Variants in REPS2 observed in about 807,000 individuals in gnomAD.
The protein encoded by REPS2 is RALBP1 associated Eps domain containing 2, also known as ralBP1-associated Eps domain-containing protein 2.
A neutral mutation model predicts 53.6 loss-of-function variants in REPS2; 23 were observed. That is an observed-to-expected ratio of 0.43 (90% confidence interval 0.31 to 0.61). REPS2 has a LOEUF of 0.61. Ranked by LOEUF, REPS2 falls within the 20% of genes least tolerant of loss-of-function variation. The pLI is 0.11. For missense variants in REPS2, 446 were observed against 534.9 expected (o/e 0.83, Z 1.64); for synonymous variants, 238 against 218.6 (o/e 1.09, Z -0.78).
intron 9 of REPS2, among the ~76,000 whole-genome samples, 165 bp from the exon 10 acceptor site, chrX:17,068,237 C>T (rs1435676900): frequency 9.0e-6 from 1 of 110,587 alleles, no homozygotes; most frequent in Non-Finnish European, 1.9e-5. Context: ...TGGTGTGAAC[C>T]CGGGAGGTGG....
At chrX:17,011,849 C>T (rs976434187) in intron 2 of REPS2, among the ~76,000 whole-genome samples, 6 of 109,154 alleles carry the variant, frequency 5.5e-5, no homozygotes, top group African/African-American at 1.3e-4. Context: ...GTAATCCCTG[C>T]TACTCAGGAG....
intron 4 of REPS2, among the ~76,000 whole-genome samples, chrX:17,028,735 T>C (rs1001444167): frequency 9.8e-5 from 11 of 112,392 alleles, no homozygotes; most frequent in Non-Finnish European, 1.9e-4. Flanking sequence ...GCTACAGAAA[T>C]AAAACATTTT....
At chrX:17,184,756 G>A in the REPS2 span, among the ~76,000 whole-genome samples, 1 of 112,005 alleles carries the variant, frequency 8.9e-6, no homozygotes, top group Non-Finnish European at 1.9e-5. Context: ...TTGTGGTTTT[G>A]ATTTGCATTT....
intron 13 of REPS2, among the ~76,000 whole-genome samples, chrX:17,085,973 A>G (rs1440317695): frequency 7.1e-5 from 8 of 111,911 alleles, no homozygotes; most frequent in African/African-American, 3.2e-5. Flanking sequence ...TTGTCTTTTT[A>G]TACTAGTTTG....
intron 2 of REPS2, among the ~76,000 whole-genome samples, chrX:17,019,443 CTTCT>C (rs1444427517): frequency 2.7e-5 from 3 of 111,780 alleles, no homozygotes; most frequent in African/African-American, 9.8e-5. Context: ...AATAGACCTT[CTTCT>C]TGACAGACAT....
At chrX:17,033,843 G>C (rs991060836) in intron 5 of REPS2, among the ~76,000 whole-genome samples, 4 of 111,532 alleles carry the variant, frequency 3.6e-5, no homozygotes, top group Non-Finnish European at 7.5e-5. Context: ...CCATGTTGCT[G>C]TCTGGCCCTC....
At chrX:17,133,110 T>C (rs1292141888) in intron 14 of REPS2, among the ~76,000 whole-genome samples, 1 of 112,069 alleles carries the variant, frequency 8.9e-6, no homozygotes, top group Non-Finnish European at 1.9e-5. Context: ...TTCCCCTCCT[T>C]GCCAGCATGG....
In REPS2 at chrX:17,077,265, C is replaced by A; in HGVS notation, c.1380-6C>A. 1 of 1,170,582 alleles carries A rather than the reference C, an allele frequency of 8.5e-7. No individual in the cohort carries two copies. Among genetic ancestry groups the A allele is most frequent in the Non-Finnish European group, 1.1e-6 (1 of 876,854 alleles). ...TCGCTTCTGACCTTCCCTTATTTTG[C>A]TACAGATCTTACTCTAGCACCTCCA... On this transcript the variant is annotated splice_polypyrimidine_tract_variant and splice_region_variant and intron_variant, in intron 12 of 17. Transcript: ENST00000357277.
the REPS2 span, among the ~76,000 whole-genome samples, chrX:17,192,623 T>A: frequency 8.9e-6 from 1 of 111,873 alleles, no homozygotes; most frequent in African/African-American, 3.3e-5. Context: ...TTTAAAATTT[T>A]TGGTCTAACA....
chrX:16,981,869 G>T (rs1329170459), intron 1 of REPS2, among the ~76,000 whole-genome samples: 1 of 111,815 alleles, frequency 8.9e-6, no homozygotes, highest in Non-Finnish European at 1.9e-5. Context: ...ATGGTTTTTA[G>T]TATATTCACA....
chrX:16,979,781 C>A (rs1018012710), intron 1 of REPS2, among the ~76,000 whole-genome samples: 1 of 109,954 alleles, frequency 9.1e-6, no homozygotes, highest in African/African-American at 3.4e-5. Flanking sequence ...AAAGGTTTAT[C>A]CCTTAGGTTA....
At chrX:16,982,690 A>G (rs1365372866) in intron 1 of REPS2, among the ~76,000 whole-genome samples, 2 of 111,990 alleles carry the variant, frequency 1.8e-5, no homozygotes, top group Non-Finnish European at 3.8e-5. Context: ...TGCTTTGGCT[A>G]GTGGCCTGTG....
intron 13 of REPS2, among the ~76,000 whole-genome samples, chrX:17,080,089 T>A (rs2148000139): frequency 9.0e-6 from 1 of 111,725 alleles, no homozygotes; most frequent in East Asian, 2.8e-4. Flanking sequence ...TTCTGTATCC[T>A]GATCTTTCCA....
chrX:17,183,547 A>G, the REPS2 span, among the ~76,000 whole-genome samples: 1 of 112,141 alleles, frequency 8.9e-6, no homozygotes, highest in East Asian at 2.8e-4. Context: ...CATTCCTTCT[A>G]AAATAATTAC....
intron 6 of REPS2, among the ~76,000 whole-genome samples, chrX:17,048,177 A>G (rs1277443177): frequency 8.9e-6 from 1 of 112,786 alleles, no homozygotes; most frequent in African/African-American, 3.2e-5. Flanking sequence ...AAGAATAACA[A>G]TATGTCCTTA....
chrX:17,184,480 A>G, the REPS2 span, among the ~76,000 whole-genome samples: 2 of 107,109 alleles, frequency 1.9e-5, no homozygotes, highest in East Asian at 5.9e-4. Flanking sequence ...ATAGTGCCAC[A>G]ATAAACATAC....
intron 1 of REPS2, among the ~76,000 whole-genome samples, chrX:16,982,835 T>A (rs2061035250): frequency 8.9e-6 from 1 of 112,231 alleles, no homozygotes; most frequent in Non-Finnish European, 1.9e-5. Context: ...ATGAAAATGA[T>A]GTGGGGCAGA....
chrX:17,077,427 C>T lies in REPS2; in HGVS notation c.1516+20C>T. ...TGCCAGGTGAAGTGCCCCTTGCCCC[C>T]TGAGCCCTTCCATTTCCTGTTGGAG... On this transcript the variant is annotated intron_variant, in intron 13 of 17. Transcript: ENST00000357277. The T allele has an allele frequency of 8.6e-7, 1 of 1,165,896 alleles. No individual in the cohort carries two copies. The highest frequency in any genetic ancestry group is 1.1e-6 in the Non-Finnish European group (1 of 872,673).
chrX:16,990,417 C>T (rs1210755755), intron 1 of REPS2, among the ~76,000 whole-genome samples: 1 of 110,599 alleles, frequency 9.0e-6, no homozygotes, highest in Admixed American at 9.6e-5. Context: ...TGAGATCAGC[C>T]TGACCAACAT....
Sources: allele counts gnomAD v4.1 joint callset (sites outside exome capture counted in the v4.1 genomes callset), GRCh38; gene constraint gnomAD v4.1.1; transcripts MANE v1.5; gene names NCBI Gene and HGNC (gene_info 2026-07-23, HGNC 2026-07-21).